The following ITGAV variants were observed in gnomAD, a reference collection of about 807,000 sequenced individuals.
ITGAV encodes integrin subunit alpha V.
ITGAV carries 76 observed loss-of-function variants against 143.8 expected under a neutral mutation model. That is an observed-to-expected ratio of 0.53 (90% CI 0.44 to 0.64). The LOEUF is 0.64. Among genes scored for constraint, ITGAV ranks in the 30% least tolerant of loss-of-function variants. ITGAV has a pLI of 0.00. For missense variants in ITGAV, 1,193 were observed against 1,274.7 expected (o/e 0.94, Z 0.98); for synonymous variants, 453 against 446.7 (o/e 1.01, Z -0.18).
intron 2 of ITGAV, among the ~76,000 whole-genome samples, chr2:186,621,981 T>C (rs953557680): frequency 1.3e-5 from 2 of 152,192 alleles, no homozygotes; most frequent in Non-Finnish European, 2.9e-5. Flanking sequence ...TTCATAATTA[T>C]CTTTATGCCC....
intron 13 of ITGAV, among the ~76,000 whole-genome samples, chr2:186,647,631 C>A (rs774141161): frequency 6.6e-5 from 10 of 152,146 alleles, no homozygotes; most frequent in Non-Finnish European, 1.2e-4. Flanking sequence ...CATTATTATA[C>A]CATTTCTGAA....
At chr2:186,594,299 C>T (rs747375412) in intron 1 of ITGAV, among the ~76,000 whole-genome samples, 1 of 152,222 alleles carries the variant, frequency 6.6e-6, no homozygotes, top group Non-Finnish European at 1.5e-5. Flanking sequence ...ATGCTGGCAT[C>T]ATTTTCTCTG....
At chr2:186,656,544 G>T (rs1408689915) in intron 17 of ITGAV, 143 bp downstream of exon 17, 2 of 591,360 alleles carry the variant, frequency 3.4e-6, no homozygotes, top group Non-Finnish European at 5.6e-6. Flanking sequence ...TTTGTAAAGT[G>T]TCATACCTGA....
At chr2:186,632,275 G>T (rs937623009) in intron 5 of ITGAV, among the ~76,000 whole-genome samples, 1 of 151,914 alleles carries the variant, frequency 6.6e-6, no homozygotes, top group African/African-American at 2.4e-5. Context: ...AATATATAAT[G>T]TCCATCTTTT....
chr2:186,600,836 G>A (rs1221300719), intron 1 of ITGAV, among the ~76,000 whole-genome samples: 2 of 152,048 alleles, frequency 1.3e-5, no homozygotes, highest in African/African-American at 2.4e-5. Flanking sequence ...GTGGGCGGCT[G>A]TAATCACAGT....
At chr2:186,666,293 T>G (rs1399657564) in intron 21 of ITGAV, among the ~76,000 whole-genome samples, 1 of 152,178 alleles carries the variant, frequency 6.6e-6, no homozygotes, top group African/African-American at 2.4e-5. Context: ...CATGCCTTCT[T>G]TAGCCATGTT....
At position 186,636,121 on chromosome 2, in the gene ITGAV, A is replaced by G. The variant is rs759468300; in HGVS notation, c.671A>G (p.Lys224Arg). ...ISDQVAEIVS[K>R]YDPNVYSIKY... ...GATCAAGTGGCAGAAATCGTATCTA[A>G]ATACGACCCCAATGTTTACAGCATC... The change falls in exon 7 of 30, where the codon AAA (lysine) becomes AGA (arginine). Residue 224 changes from lysine to arginine, a missense_variant. By Grantham distance (26) the Lys-to-Arg change is conservative (BLOSUM62 2). Coordinates refer to ENST00000261023, the MANE Select transcript of ITGAV (RefSeq NM_002210.5). 1 of 1,613,120 alleles carries G rather than the reference A, an allele frequency of 6.2e-7. No individual in the cohort carries two copies. The highest frequency in any genetic ancestry group is 8.5e-7 in the Non-Finnish European group (1 of 1,179,366).
intron 2 of ITGAV, among the ~76,000 whole-genome samples, chr2:186,605,068 G>A (rs1011937297): frequency 1.3e-5 from 2 of 152,208 alleles, no homozygotes; most frequent in Non-Finnish European, 2.9e-5. Context: ...ACAGAGGTCT[G>A]TGCAGGTACC....
At chr2:186,600,209 GT>G in intron 1 of ITGAV, 3 of 843,270 alleles carry the variant, frequency 3.6e-6, no homozygotes, top group Non-Finnish European at 5.5e-6. Flanking sequence ...ACCTTTCTTT[GT>G]AGCTCCTGGA....
intron 12 of ITGAV, among the ~76,000 whole-genome samples, chr2:186,645,018 G>A (rs1445109318): frequency 6.6e-6 from 1 of 152,148 alleles, no homozygotes; most frequent in African/African-American, 2.4e-5. Flanking sequence ...TGACTGGTAC[G>A]TAGGGTCTGT....
intron 24 of ITGAV, among the ~76,000 whole-genome samples, chr2:186,668,185 CATATATATATATATAT>C (rs1225346630): frequency 7.3e-4 from 14 of 19,072 alleles, no homozygotes; most frequent in Non-Finnish European, 1.0e-3. Context: ...TACATACATA[CATATATATATATATAT>C]ATATATATAT....
chr2:186,654,883 A>C (rs1688540846), intron 16 of ITGAV, among the ~76,000 whole-genome samples, 175 bp downstream of exon 16: 1 of 152,222 alleles, frequency 6.6e-6, no homozygotes, highest in Non-Finnish European at 1.5e-5. Context: ...GTAACCCTTA[A>C]GCTAATTCAA....
chr2:186,677,507 G>T lies in ITGAV; in HGVS notation c.*215G>T. 4.6e-6 allele frequency: 2 copies of T among 435,442 alleles called. No individual in the cohort carries two copies. The highest frequency in any genetic ancestry group is 3.2e-5 in the South Asian group (1 of 31,742). The allele number at this position is 435,442 out of a possible 1,614,324, so 27.0% of individuals were successfully genotyped here. A position where few individuals can be genotyped will look rare whatever the true frequency, so the allele number is the denominator to read the frequency against. On this transcript the variant is annotated 3_prime_UTR_variant, in exon 30 of 30. Transcript: ENST00000261023. ...AACATAGGGTGACTTGTGTTTTTAGGTATTTAAATAATAAAATTTCAAGGG... is the reference window on the plus strand; with the variant it reads ...AACATAGGGTGACTTGTGTTTTTAGTTATTTAAATAATAAAATTTCAAGGG...
At position 186,665,046 on chromosome 2, in the gene ITGAV, C is replaced by T; in HGVS notation, c.2074-80C>T. 4 of 933,694 alleles carry T rather than the reference C, an allele frequency of 4.3e-6. No homozygotes were observed. The South Asian group carries it at 4.6e-5, about 11-fold the overall frequency. The allele number at this position is 933,694 out of a possible 1,614,324, so 57.8% of individuals were successfully genotyped here. On this transcript the variant is annotated intron_variant, in intron 20 of 29. Transcript: ENST00000261023. ...CTCAACTAGATTTATTTGCTTAGGACAAGAAACTGAAATATCCAACTGCGT... is the reference window on the plus strand; with the variant it reads ...CTCAACTAGATTTATTTGCTTAGGATAAGAAACTGAAATATCCAACTGCGT...
intron 10 of ITGAV, among the ~76,000 whole-genome samples, 166 bp downstream of exon 10, chr2:186,638,631 CGTGTGTGTGTGT>C (rs34535817): frequency 4.1e-4 from 60 of 144,792 alleles, no homozygotes; most frequent in Middle Eastern, 3.5e-3. Flanking sequence ...CTCTTTTGAG[CGTGTGTGTGTGT>C]GTGTGTGTGT....
intron 2 of ITGAV, among the ~76,000 whole-genome samples, chr2:186,608,105 G>A (rs1174340379): frequency 6.6e-6 from 1 of 152,190 alleles, no homozygotes; most frequent in Non-Finnish European, 1.5e-5. Flanking sequence ...GCAAAGAGAA[G>A]TACTCTGGAC....
At chr2:186,629,543 A>G (rs1687762711) in intron 4 of ITGAV, among the ~76,000 whole-genome samples, 1 of 151,922 alleles carries the variant, frequency 6.6e-6, no homozygotes, top group South Asian at 2.1e-4. Context: ...ACATTGGTTT[A>G]GCATTATACT....
rs201664035 is a variant in ITGAV at position 186,677,857 on chromosome 2, T to C, written c.*565T>C. ...ACATACATGATACCATCCAAATTCTTGCTTTTAATAACAAAGGTACAATAT... is the reference window on the plus strand; with the variant it reads ...ACATACATGATACCATCCAAATTCTCGCTTTTAATAACAAAGGTACAATAT... On this transcript the variant is annotated 3_prime_UTR_variant, in exon 30 of 30. Transcript: ENST00000261023. The C allele has an allele frequency of 3.9e-5, 6 of 152,636 alleles. No individual in the cohort carries two copies. Among genetic ancestry groups the C allele is most frequent in the African/African-American group, 1.4e-4 (6 of 41,466 alleles). The allele number at this position is 152,636 out of a possible 1,614,324, so 9.5% of individuals were successfully genotyped here. A position where few individuals can be genotyped will look rare whatever the true frequency, so the allele number is the denominator to read the frequency against.
At chr2:186,675,514 C>A in intron 26 of ITGAV, 90 bp from the exon 27 acceptor site, 1 of 853,290 alleles carries the variant, frequency 1.2e-6, no homozygotes, top group Non-Finnish European at 2.0e-6. Flanking sequence ...CTTTGGCCAT[C>A]ACACAAAAAG....
Sources: allele counts gnomAD v4.1 joint callset (sites outside exome capture counted in the v4.1 genomes callset), GRCh38; gene constraint gnomAD v4.1.1; transcripts MANE v1.5; gene names NCBI Gene and HGNC (gene_info 2026-07-23, HGNC 2026-07-21).